NDST3: variants seen among roughly 807,000 people sequenced by gnomAD.
The protein encoded by NDST3 is bifunctional heparan sulfate N-deacetylase/N-sulfotransferase 3.
Under a neutral mutation model 96.1 loss-of-function variants are expected in NDST3, and 58 were observed. That is an observed-to-expected ratio of 0.60 (90% confidence interval 0.49 to 0.75). The LOEUF (loss-of-function observed/expected upper bound fraction) is 0.75. Ranked by LOEUF, NDST3 falls within the 30% of genes least tolerant of loss-of-function variation. NDST3 has a pLI of 0.00. For synonymous variants in NDST3, 333 were observed against 359.7 expected, an observed-to-expected ratio of 0.93 and a Z score of 0.84; for missense variants, 788 against 1,034.2, an observed-to-expected ratio of 0.76 and a Z score of 3.27.
chr4:118,253,932 G>T (rs550377804), intron 13 of NDST3, among the ~76,000 whole-genome samples: 1 of 152,282 alleles, frequency 6.6e-6, no homozygotes, highest in Admixed American at 6.5e-5. Context: ...ATTGGAAAGT[G>T]AAAATAGGAC....
Position 118,133,044 on chromosome 4 carries a change from A to C in NDST3, c.1225-5010A>C, listed in dbSNP as rs528379893. ...CCTGGGATTGGGGGAGGAGTGGCGC[A>C]AGCAATCCTTTAGCTGCTCTGGCTA... On this transcript the variant is annotated intron_variant, in intron 4 of 13. Coordinates refer to ENST00000296499, the MANE Select transcript of NDST3 (RefSeq NM_004784.3). 2.6e-5 allele frequency among the ~76,000 whole-genome samples: 4 copies of C among 152,222 alleles called. No individual in the cohort carries two copies. The South Asian group carries it at 8.3e-4, about 32-fold the overall frequency.
intron 2 of NDST3, among the ~76,000 whole-genome samples, chr4:118,084,335 A>C (rs1009074108): frequency 6.6e-6 from 1 of 152,178 alleles, no homozygotes; most frequent in Non-Finnish European, 1.5e-5. Flanking sequence ...TGTTTATCTT[A>C]ATTATACATG....
chr4:118,072,986 T>A (rs969844373), intron 2 of NDST3, among the ~76,000 whole-genome samples: 1 of 152,180 alleles, frequency 6.6e-6, no homozygotes, highest in Non-Finnish European at 1.5e-5. Context: ...GAGATAATCA[T>A]GTGGTTTTTG....
At chr4:118,089,409 G>T (rs1046439447) in intron 2 of NDST3, among the ~76,000 whole-genome samples, 2 of 151,808 alleles carry the variant, frequency 1.3e-5, no homozygotes, top group African/African-American at 4.8e-5. Context: ...TCACTAAAAG[G>T]TCATTGATTT....
intron 10 of NDST3, 138 bp from the exon 11 acceptor site, chr4:118,240,386 T>C: frequency 1.6e-6 from 1 of 630,092 alleles, no homozygotes; most frequent in East Asian, 3.2e-5. Flanking sequence ...ATTTTCTTCC[T>C]TTACTAATTT....
intron 1 of NDST3, among the ~76,000 whole-genome samples, chr4:118,052,100 A>G (rs898441881): frequency 6.6e-6 from 1 of 152,120 alleles, no homozygotes; most frequent in Non-Finnish European, 1.5e-5. Flanking sequence ...TTATCCCAGC[A>G]CTATTCAAAA....
intron 1 of NDST3, among the ~76,000 whole-genome samples, chr4:118,053,524 T>C (rs1254699998): frequency 6.6e-6 from 1 of 151,936 alleles, no homozygotes; most frequent in African/African-American, 2.4e-5. Context: ...AATTTTCTGT[T>C]AGCCCAAAGT....
intron 4 of NDST3, among the ~76,000 whole-genome samples, chr4:118,123,983 C>G (rs1731828154): frequency 6.6e-6 from 1 of 152,020 alleles, no homozygotes. Context: ...TTTCTTACTA[C>G]GTTTGGCTTA....
At chr4:118,162,630 C>T (rs1427586008) in intron 6 of NDST3, among the ~76,000 whole-genome samples, 2 of 149,994 alleles carry the variant, frequency 1.3e-5, no homozygotes, top group African/African-American at 2.4e-5. Flanking sequence ...AACATTAGAC[C>T]TAAAACCATA....
intron 4 of NDST3, among the ~76,000 whole-genome samples, chr4:118,129,241 T>G (rs1732391812): frequency 6.6e-6 from 1 of 152,014 alleles, no homozygotes; most frequent in Non-Finnish European, 1.5e-5. Flanking sequence ...GGGTTCAGTT[T>G]GCACTTGCTT....
intron 2 of NDST3, among the ~76,000 whole-genome samples, chr4:118,089,550 T>C (rs1728703451): frequency 6.6e-6 from 1 of 151,938 alleles, no homozygotes; most frequent in Non-Finnish European, 1.5e-5. Context: ...CTACAAGTTA[T>C]TATTAGAAGA....
chr4:118,210,774 C>CAA (rs34418586), intron 6 of NDST3, among the ~76,000 whole-genome samples: 1,084 of 86,536 alleles, frequency 0.013, 16 homozygotes, highest in African/African-American at 0.047. Context: ...GACTCCATCT[C>CAA]AAAAAAAAAA....
At chr4:118,173,003 G>C (rs1736049291) in intron 6 of NDST3, among the ~76,000 whole-genome samples, 1 of 151,830 alleles carries the variant, frequency 6.6e-6, no homozygotes. Context: ...ACAAGAACAA[G>C]GAAATAAATA....
intron 6 of NDST3, among the ~76,000 whole-genome samples, chr4:118,156,691 A>G (rs868125458): frequency 6.6e-6 from 1 of 152,232 alleles, no homozygotes. Context: ...AGTTTATGAG[A>G]ATATGCTCAG....
At chr4:118,212,230 G>A (rs1738844785) in intron 6 of NDST3, among the ~76,000 whole-genome samples, 1 of 152,148 alleles carries the variant, frequency 6.6e-6, no homozygotes, top group Non-Finnish European at 1.5e-5. Flanking sequence ...GCAGATAGAG[G>A]CAGCTACAGT....
intron 6 of NDST3, chr4:118,194,253 C>T: frequency 1.4e-6 from 1 of 724,344 alleles, no homozygotes; most frequent in African/African-American, 1.7e-5. Flanking sequence ...TCCATGATAG[C>T]ACCCTCATTG....
At chr4:118,241,988 A>G in intron 11 of NDST3, 52 bp from the exon 12 acceptor site, 1 of 1,320,532 alleles carries the variant, frequency 7.6e-7, no homozygotes, top group South Asian at 1.2e-5. Flanking sequence ...ATTTTTCATT[A>G]TACAGTTTAC....
At chr4:118,061,729 A>G (rs1366380067) in intron 2 of NDST3, among the ~76,000 whole-genome samples, 2 of 152,122 alleles carry the variant, frequency 1.3e-5, no homozygotes, top group Non-Finnish European at 2.9e-5. Context: ...TGCCTGGCTC[A>G]GTATATATTT....
intron 5 of NDST3, among the ~76,000 whole-genome samples, chr4:118,139,962 C>G (rs1733435934): frequency 6.6e-6 from 1 of 152,194 alleles, no homozygotes; most frequent in African/African-American, 2.4e-5. Context: ...ATCCCATAGA[C>G]AGTGCCAACC....
Sources: gnomAD v4.1 joint callset for allele counts (sites outside exome capture counted in the v4.1 genomes callset) on GRCh38, gnomAD v4.1.1 for gene constraint, MANE v1.5 for transcripts, NCBI Gene and HGNC (gene_info 2026-07-23, HGNC 2026-07-21) for gene names.